The following GPC6 variants were observed in gnomAD, a reference collection of about 807,000 sequenced individuals.
The protein encoded by GPC6 is glypican 6, also known as glypican-6.
GPC6 carries 14 observed loss-of-function variants against 55.2 expected under a neutral mutation model. That is an observed-to-expected ratio of 0.25 (90% confidence interval 0.17 to 0.40). The LOEUF (loss-of-function observed/expected upper bound fraction) is 0.40. Ranked by LOEUF, GPC6 falls within the 10% of genes least tolerant of loss-of-function variation. The probability of loss-of-function intolerance (pLI) is 1.00; values close to 1 mark genes in which losing one functional copy is unlikely to be tolerated. For missense variants in GPC6, 641 were observed against 708.5 expected, an observed-to-expected ratio of 0.90 and a Z score of 1.08; for synonymous variants, 278 against 259.6, an observed-to-expected ratio of 1.07 and a Z score of -0.68.
At chr13:94,241,609 A>G (rs1049318790) in intron 4 of GPC6, among the ~76,000 whole-genome samples, 69 of 152,172 alleles carry the variant, frequency 4.5e-4, no homozygotes, top group African/African-American at 1.5e-3. Context: ...GGAATTAGCC[A>G]TCAAAGATGG....
At position 93,354,353 on chromosome 13, in the gene GPC6, T is replaced by TTTTTTTTTTG. The variant is rs1555293305; in HGVS notation, c.160+126746_160+126747insGTTTTTTTTT. Among the ~76,000 whole-genome samples the TTTTTTTTTTG allele has an allele frequency of 3.1e-4, 41 of 133,922 alleles. No homozygotes were observed. In the East Asian group the frequency reaches 3.4e-3, roughly 11 times the overall value. 87.9% of individuals were successfully genotyped at this position (133,922 alleles called of 152,430 possible). A position where few individuals can be genotyped will look rare whatever the true frequency, so the allele number is the denominator to read the frequency against. ...AAGAAGTGCTTCCGTTGGTAGATTT[T>TTTTTTTTTTG]TTTTTTTTTTTTTTTGAGACAGAGT... On this transcript the variant is annotated intron_variant, in intron 1 of 8. Coordinates refer to ENST00000377047, the MANE Select transcript of GPC6 (RefSeq NM_005708.5).
At chr13:94,197,088 G>A (rs1889600413) in intron 4 of GPC6, among the ~76,000 whole-genome samples, 1 of 152,036 alleles carries the variant, frequency 6.6e-6, no homozygotes, top group Admixed American at 6.5e-5. Context: ...TGAATCTACA[G>A]GGAGAAAGGA....
At chr13:94,252,317 A>G (rs9301946) in intron 4 of GPC6, among the ~76,000 whole-genome samples, 12,534 of 152,190 alleles carry the variant, frequency 0.082, 1,122 homozygotes, top group African/African-American at 0.21. Flanking sequence ...TTTATTAATT[A>G]TGATATTGAG....
intron 4 of GPC6, among the ~76,000 whole-genome samples, chr13:94,250,496 C>A (rs563656903): frequency 6.6e-6 from 1 of 152,246 alleles, no homozygotes; most frequent in South Asian, 2.1e-4. Context: ...ACATGCATGT[C>A]TTTAGCAATT....
chr13:93,304,648 C>T (rs145391667), intron 1 of GPC6, among the ~76,000 whole-genome samples: 1 of 152,182 alleles, frequency 6.6e-6, no homozygotes, highest in South Asian at 2.1e-4. Context: ...AGATTTCATT[C>T]GAGGTACTGC....
chr13:93,797,673 A>G (rs891353622), intron 2 of GPC6, among the ~76,000 whole-genome samples: 25 of 152,192 alleles, frequency 1.6e-4, no homozygotes, highest in Non-Finnish European at 4.4e-5. Flanking sequence ...ACAGAGGAGA[A>G]CGTGTGAAAT....
At chr13:93,678,874 T>C (rs911855719) in intron 2 of GPC6, among the ~76,000 whole-genome samples, 1 of 152,162 alleles carries the variant, frequency 6.6e-6, no homozygotes, top group Non-Finnish European at 1.5e-5. Flanking sequence ...ACTTCCGCTC[T>C]TCCTTTTGTC....
intron 2 of GPC6, among the ~76,000 whole-genome samples, chr13:93,596,691 T>G (rs1478545899): frequency 6.8e-6 from 1 of 146,164 alleles, no homozygotes; most frequent in Non-Finnish European, 1.5e-5. Context: ...TAAGTGTGTA[T>G]ATAAGTATAT....
At chr13:94,028,322 T>G (rs766712747) in intron 4 of GPC6, among the ~76,000 whole-genome samples, 8 of 152,178 alleles carry the variant, frequency 5.3e-5, no homozygotes, top group Non-Finnish European at 1.2e-4. Context: ...AAAACCATGT[T>G]TAGCAAATTA....
intron 3 of GPC6, among the ~76,000 whole-genome samples, chr13:94,009,797 GT>G (rs1230495732): frequency 6.6e-6 from 1 of 152,132 alleles, no homozygotes; most frequent in African/African-American, 2.4e-5. Context: ...AGTTATGTAC[GT>G]TTAATGAAGT....
intron 3 of GPC6, among the ~76,000 whole-genome samples, chr13:93,869,119 G>T (rs1889053378): frequency 6.6e-6 from 1 of 151,720 alleles, no homozygotes; most frequent in Non-Finnish European, 1.5e-5. Context: ...CTTTAATACT[G>T]CACACCATCT....
intron 2 of GPC6, among the ~76,000 whole-genome samples, chr13:93,666,710 A>G (rs1017180850): frequency 3.9e-5 from 6 of 152,202 alleles, no homozygotes; most frequent in African/African-American, 1.2e-4. Context: ...TTGAAACTAA[A>G]TAATTCTCAC....
chr13:94,026,617 G>T (rs1185339184), intron 3 of GPC6, among the ~76,000 whole-genome samples: 1 of 151,878 alleles, frequency 6.6e-6, no homozygotes, highest in African/African-American at 2.4e-5. Context: ...TTCTAATTTT[G>T]GTCTCCACTA....
rs1000454648 is a variant in GPC6, at chr13:93,687,905, T to A, written c.320-142249T>A. Among the ~76,000 whole-genome samples, 8 of 151,662 alleles carry A rather than the reference T, an allele frequency of 5.3e-5. No individual in the cohort carries two copies. In the East Asian group the frequency reaches 7.8e-4, roughly 15 times the overall value. ...TTTTTGTGTGTTTGGCTTTTTTTTT[T>A]ATGAGAAAAAGTTTATTTCTCTCTT... is the stretch of plus-strand genomic sequence containing the variant. On this transcript the variant is annotated intron_variant, in intron 2 of 8. Transcript: ENST00000377047.
chr13:93,552,005 G>A (rs1454629240), intron 2 of GPC6, among the ~76,000 whole-genome samples: 1 of 152,096 alleles, frequency 6.6e-6, no homozygotes, highest in East Asian at 1.9e-4. Context: ...TGCTGCGGCT[G>A]TCCTAAATCA....
intron 3 of GPC6, among the ~76,000 whole-genome samples, chr13:93,950,180 C>T (rs1022061043): frequency 6.6e-6 from 1 of 152,032 alleles, no homozygotes; most frequent in African/African-American, 2.4e-5. Context: ...ATATATTTTA[C>T]CACGATAAAA....
At chr13:93,948,559 C>A (rs1879114332) in intron 3 of GPC6, among the ~76,000 whole-genome samples, 1 of 151,974 alleles carries the variant, frequency 6.6e-6, no homozygotes, top group African/African-American at 2.4e-5. Flanking sequence ...AATTGTTGTC[C>A]CTGATACAAA....
intron 4 of GPC6, among the ~76,000 whole-genome samples, chr13:94,043,342 A>G (rs993171481): frequency 1.3e-5 from 2 of 151,842 alleles, no homozygotes; most frequent in Admixed American, 6.6e-5. Context: ...GACAATTTAT[A>G]TTTATTATTT....
chr13:94,083,276 A>G lies in GPC6; in HGVS notation c.877+55382A>G, dbSNP rs371069859. On this transcript the variant is annotated intron_variant, in intron 4 of 8. Coordinates refer to ENST00000377047, the MANE Select transcript of GPC6 (RefSeq NM_005708.5). ...TGGGACTACAGGCGCCCGCCACCAC[A>G]CCCGTCTAATTTTTTGTATTTTAAA... is the stretch of plus-strand genomic sequence containing the variant. Among the ~76,000 whole-genome samples the G allele has an allele frequency of 4.4e-3, 674 of 151,598 alleles. 4 individuals carry two copies. The highest frequency in any genetic ancestry group is 0.015 in the African/African-American group (638 of 41,330).
Sources: gnomAD v4.1 joint callset for allele counts (sites outside exome capture counted in the v4.1 genomes callset) on GRCh38, gnomAD v4.1.1 for gene constraint, MANE v1.5 for transcripts, NCBI Gene and HGNC (gene_info 2026-07-23, HGNC 2026-07-21) for gene names.